The following TMEM38A variants were observed in gnomAD, a reference collection of about 807,000 sequenced individuals.
The protein encoded by TMEM38A is trimeric intracellular cation channel type A.
A neutral mutation model predicts 28.6 loss-of-function variants in TMEM38A; 17 were observed. The ratio of observed to expected loss-of-function variants is 0.60; its 90% CI spans 0.41 to 0.89. The LOEUF is 0.89. Among genes scored for constraint, TMEM38A ranks in the 40% least tolerant of loss-of-function variants. The pLI is 0.00. For missense variants in TMEM38A, 328 were observed against 393.1 expected (o/e 0.83, Z 1.40); for synonymous variants, 169 against 166.1 (o/e 1.02, Z -0.14).
At chr19:16,678,974 C>T (rs1238216298) in intron 1 of TMEM38A, among the ~76,000 whole-genome samples, 1 of 150,986 alleles carries the variant, frequency 6.6e-6, no homozygotes, top group Non-Finnish European at 1.5e-5. Context: ...CATGGTGAAA[C>T]CCCTTCTCTA....
rs1329771060 is a variant in TMEM38A at position 16,680,524 on chromosome 19, G to A, written c.409G>A (p.Ala137Thr). ...VRKIAVGIHH[A>T]HHHYHHGWFV... ...CAAGATCGCGGTGGGCATCCATCAC[G>A]CCCATCACCACTACCACCACGGGTG... Residue 137 changes from alanine (A) to threonine (T), a missense_variant, in exon 3 of 6, where the codon GCC (alanine) becomes ACC (threonine). Physicochemically the swap from Ala to Thr is moderately conservative, Grantham distance 58. Coordinates refer to ENST00000187762, the MANE Select transcript of TMEM38A (RefSeq NM_024074.4). 19 of 1,613,990 alleles carry A rather than the reference G, an allele frequency of 1.2e-5. No individual in the cohort carries two copies. Among genetic ancestry groups the A allele is most frequent in the African/African-American group, 2.7e-5 (2 of 74,894 alleles).
intron 1 of TMEM38A, among the ~76,000 whole-genome samples, chr19:16,676,799 G>T (rs1416936477): frequency 1.7e-5 from 2 of 117,000 alleles, no homozygotes; most frequent in African/African-American, 3.4e-5. Flanking sequence ...CGCTGTTGTT[G>T]GCCTGGGCTG....
chr19:16,667,830 A>G (rs1434267498), intron 1 of TMEM38A, among the ~76,000 whole-genome samples: 1 of 151,242 alleles, frequency 6.6e-6, no homozygotes, highest in South Asian at 2.1e-4. Flanking sequence ...ACTGCACTCC[A>G]GTCTGGGTGA....
intron 1 of TMEM38A, among the ~76,000 whole-genome samples, chr19:16,669,485 G>A (rs984437170): frequency 6.6e-6 from 1 of 152,140 alleles, no homozygotes; most frequent in Non-Finnish European, 1.5e-5. Flanking sequence ...GGGATTACAG[G>A]TGTGAGCCAC....
rs190134353 is a variant in TMEM38A, at chr19:16,669,090, A to G, written c.124+7749A>G. 1.3e-4 allele frequency among the ~76,000 whole-genome samples: 20 copies of G among 152,112 alleles called. No individual in the cohort carries two copies. In the East Asian group the frequency reaches 1.6e-3, roughly 12 times the overall value. Reference sequence around the variant, plus strand: ...GGTGATCTGCCCGCCTTGGCCTCCCAAAGTGTTGGGATTACAGGCGTGAGC... The same window carrying G: ...GGTGATCTGCCCGCCTTGGCCTCCCGAAGTGTTGGGATTACAGGCGTGAGC... On this transcript the variant is annotated intron_variant, in intron 1 of 5. Coordinates refer to ENST00000187762, the MANE Select transcript of TMEM38A (RefSeq NM_024074.4).
At chr19:16,677,392 TG>T (rs1294160911) in intron 1 of TMEM38A, among the ~76,000 whole-genome samples, 1 of 152,184 alleles carries the variant, frequency 6.6e-6, no homozygotes, top group African/African-American at 2.4e-5. Context: ...TGGAGTGCAG[TG>T]GTGCACTCAT....
At position 16,689,739 on chromosome 19, in the gene TMEM38A, G is replaced by A. The variant is rs2086818224; in HGVS notation, c.*1368G>A. On this transcript the variant is annotated 3_prime_UTR_variant, in exon 6 of 6. Transcript: ENST00000187762. ...GGGCCAGGAGCCTGCTTCAGTGTGA[G>A]CGAGGTGGATGATATTATAGCTGAA... The A allele has an allele frequency of 6.6e-6, 1 of 152,386 alleles. No homozygotes were observed. The highest frequency in any genetic ancestry group is 1.5e-5 in the Non-Finnish European group (1 of 68,176). 9.4% of individuals were successfully genotyped at this position (152,386 alleles called of 1,614,324 possible).
intron 1 of TMEM38A, among the ~76,000 whole-genome samples, chr19:16,667,250 C>T (rs1476945368): frequency 1.3e-5 from 2 of 149,490 alleles, no homozygotes; most frequent in African/African-American, 2.5e-5. Context: ...GCCTGGGCAA[C>T]AAGAGCCAAG....
chr19:16,664,687 G>A (rs2086695814), intron 1 of TMEM38A, among the ~76,000 whole-genome samples: 1 of 151,946 alleles, frequency 6.6e-6, no homozygotes, highest in African/African-American at 2.4e-5. Context: ...CCCAGGAGTT[G>A]GAGCTCAACT....
rs1000480554 is a variant in TMEM38A at position 16,689,996 on chromosome 19, G to C, written c.*1625G>C. 2 of 152,028 alleles carry C rather than the reference G, an allele frequency of 1.3e-5. No homozygotes were observed. Among genetic ancestry groups the C allele is most frequent in the Non-Finnish European group, 2.9e-5 (2 of 68,030 alleles). The allele number at this position is 152,028 out of a possible 1,614,324, so 9.4% of individuals were successfully genotyped here. Reference sequence around the variant, plus strand: ...TTGTCCACCTCAGCTCGGTGTGGAGGGGCAGCCAATAAATCATTGTGAATG... The same window carrying C: ...TTGTCCACCTCAGCTCGGTGTGGAGCGGCAGCCAATAAATCATTGTGAATG... On this transcript the variant is annotated 3_prime_UTR_variant, in exon 6 of 6. Coordinates refer to ENST00000187762, the MANE Select transcript of TMEM38A (RefSeq NM_024074.4).
chr19:16,680,427 C>A lies in TMEM38A; in HGVS notation c.312C>A (p.Leu104=). Residue 104 remains leucine, a synonymous_variant, in exon 3 of 6, where the codon CTC becomes CTA. Coordinates refer to ENST00000187762, the MANE Select transcript of TMEM38A (RefSeq NM_024074.4). ...TGATTTTCTTCTGCCCCCTGGACCT[C>A]TTCTACAAGTGTGTCTGCTTCCTGC... The part of the protein sequence containing the change: ...WYLIFFCPLD[L]FYKCVCFLPV... The A allele has an allele frequency of 1.9e-6, 3 of 1,614,166 alleles. No individual in the cohort carries two copies. The highest frequency in any genetic ancestry group is 2.5e-6 in the Non-Finnish European group (3 of 1,180,026).
Position 16,682,500 on chromosome 19 carries a change from C to T in TMEM38A, c.546C>T (p.His182=), listed in dbSNP as rs947538665. 1.9e-6 allele frequency: 3 copies of T among 1,613,964 alleles called. No homozygotes were observed. The Admixed American group carries it at 5.0e-5, about 27-fold the overall frequency. ...AGCCAGAGACCAACGAGATCCTGCA[C>T]ATGTCTTTGTGAGTATCCCACTCCA... The part of the protein sequence containing the change: ...VWKPETNEIL[H]MSFPTKASLY... Residue 182 remains histidine, a synonymous_variant, in exon 4 of 6, where the codon CAC becomes CAT. Coordinates refer to ENST00000187762, the MANE Select transcript of TMEM38A (RefSeq NM_024074.4).
intron 1 of TMEM38A, among the ~76,000 whole-genome samples, chr19:16,675,952 C>T (rs914648494): frequency 2.0e-5 from 3 of 151,956 alleles, no homozygotes; most frequent in Non-Finnish European, 2.9e-5. Flanking sequence ...TTTCAACATA[C>T]GAATTTTGGA....
chr19:16,684,388 G>A (rs1040659792), intron 4 of TMEM38A, among the ~76,000 whole-genome samples: 7 of 152,006 alleles, frequency 4.6e-5, no homozygotes, highest in Non-Finnish European at 1.0e-4. Flanking sequence ...GCTGAGGCAG[G>A]AAGATCGCTT....
At chr19:16,676,236 G>C (rs1206984054) in intron 1 of TMEM38A, among the ~76,000 whole-genome samples, 1 of 133,716 alleles carries the variant, frequency 7.5e-6, no homozygotes, top group Non-Finnish European at 1.5e-5. Context: ...GGTGCCTGTA[G>C]TCCCAGCTAC....
intron 1 of TMEM38A, among the ~76,000 whole-genome samples, chr19:16,675,129 C>T (rs542279604): frequency 6.6e-6 from 1 of 152,312 alleles, no homozygotes; most frequent in Admixed American, 6.5e-5. Context: ...AGGGCACTAA[C>T]ATGGTCAAGT....
intron 4 of TMEM38A, among the ~76,000 whole-genome samples, chr19:16,684,598 ACT>A (rs1165785337): frequency 6.6e-6 from 1 of 152,122 alleles, no homozygotes; most frequent in East Asian, 1.9e-4. Flanking sequence ...GTTAAGGAAA[ACT>A]CTGCATGTTG....
chr19:16,668,790 A>G (rs1030607990), intron 1 of TMEM38A, among the ~76,000 whole-genome samples: 1 of 151,212 alleles, frequency 6.6e-6, no homozygotes, highest in Non-Finnish European at 1.5e-5. Flanking sequence ...TCATGTCTTG[A>G]TAGCTCACTG....
chr19:16,671,481 T>G (rs2086727357), intron 1 of TMEM38A, among the ~76,000 whole-genome samples: 1 of 152,078 alleles, frequency 6.6e-6, no homozygotes, highest in Non-Finnish European at 1.5e-5. Flanking sequence ...AATGCTGGGA[T>G]TACAGGTGTG....
Sources: allele counts gnomAD v4.1 joint callset (sites outside exome capture counted in the v4.1 genomes callset), GRCh38; gene constraint gnomAD v4.1.1; transcripts MANE v1.5; gene names NCBI Gene and HGNC (gene_info 2026-07-23, HGNC 2026-07-21).